The following EDAR variants were observed in gnomAD, a reference collection of about 807,000 sequenced individuals.
EDAR encodes the protein ectodysplasin A receptor, also known as tumor necrosis factor receptor superfamily member EDAR.
Under a neutral mutation model 51.3 loss-of-function variants are expected in EDAR, and 38 were observed. That is an observed-to-expected ratio of 0.74 (90% CI 0.57 to 0.97). The LOEUF (loss-of-function observed/expected upper bound fraction) is 0.97. Among genes scored for constraint, EDAR ranks in the 50% least tolerant of loss-of-function variants. The pLI is 0.00. For synonymous variants in EDAR, 227 were observed against 242.1 expected (o/e 0.94, Z 0.58); for missense variants, 528 against 595.0 (o/e 0.89, Z 1.17).
At position 108,896,882 on chromosome 2, in the gene EDAR, G is replaced by A. The variant is rs2105371237; in HGVS notation, c.*25C>T. Reference sequence around the variant, plus strand: ...CTCGTTGGCTCCTTGGCTTGTCCTGGGAGGACAGCCCACAGGCATGCTTTT... The same window carrying A: ...CTCGTTGGCTCCTTGGCTTGTCCTGAGAGGACAGCCCACAGGCATGCTTTT... On this transcript the variant is annotated 3_prime_UTR_variant, in exon 12 of 12. Coordinates refer to ENST00000258443, the MANE Select transcript of EDAR (RefSeq NM_022336.4). 1 of 1,601,310 alleles carries A rather than the reference G, an allele frequency of 6.2e-7. No homozygotes were observed. The highest frequency in any genetic ancestry group is 1.1e-5 in the South Asian group (1 of 89,008).
Position 108,924,345 on chromosome 2 carries a change from C to A in EDAR, c.357-892G>T, listed in dbSNP as rs1697211131. Among the ~76,000 whole-genome samples the A allele has an allele frequency of 2.0e-5, 3 of 152,246 alleles. No homozygotes were observed. The South Asian group carries it at 6.2e-4, about 31-fold the overall frequency. On this transcript the variant is annotated intron_variant, in intron 4 of 11. Transcript: ENST00000258443. ...GGCACCACCCTCTCCTTGGGGCTCCCAGCTCGGGCGCCTTCCCTCTGCAGG... is the reference window on the plus strand; with the variant it reads ...GGCACCACCCTCTCCTTGGGGCTCCAAGCTCGGGCGCCTTCCCTCTGCAGG...
rs555716012 is a variant in EDAR at position 108,982,787 on chromosome 2, G to A, written c.-19+6173C>T. Among the ~76,000 whole-genome samples, 3 of 152,216 alleles carry A rather than the reference G, an allele frequency of 2.0e-5. No individual in the cohort carries two copies. In the East Asian group the frequency reaches 5.8e-4, roughly 29 times the overall value. On this transcript the variant is annotated intron_variant, in intron 1 of 11. Transcript: ENST00000258443. The stretch of plus-strand genomic sequence containing the variant: ...GAGTCACCTAAGTCTCCTTGCTTTG[G>A]TTACGTCTGCCCGTAAAATGAGAAG...
intron 1 of EDAR, among the ~76,000 whole-genome samples, chr2:108,958,068 G>A (rs1487398438): frequency 1.7e-4 from 26 of 152,012 alleles, no homozygotes; most frequent in Admixed American, 1.7e-3. Context: ...AAATTACCAT[G>A]CCCGTGAGCC....
In EDAR at chr2:108,896,034, A is replaced by T. The variant is rs1377235904; in HGVS notation, c.*873T>A. 6.6e-6 allele frequency: 1 copy of T among 152,224 alleles called. No individual in the cohort carries two copies. The highest frequency in any genetic ancestry group is 6.5e-5 in the Admixed American group (1 of 15,290). 9.4% of individuals were successfully genotyped at this position (152,224 alleles called of 1,614,324 possible). ...TGTGTCCTTCAGCATTGCTGCCCCT[A>T]AAAGGTCAAATCTGCCTAAGACTGA... On this transcript the variant is annotated 3_prime_UTR_variant, in exon 12 of 12. Coordinates refer to ENST00000258443, the MANE Select transcript of EDAR (RefSeq NM_022336.4).
intron 1 of EDAR, among the ~76,000 whole-genome samples, chr2:108,984,504 G>T (rs1698465426): frequency 6.6e-6 from 1 of 152,032 alleles, no homozygotes; most frequent in South Asian, 2.1e-4. Flanking sequence ...CCTCTGCTCC[G>T]GCAGCATGGC....
intron 1 of EDAR, among the ~76,000 whole-genome samples, chr2:108,981,063 A>G (rs1314714973): frequency 1.3e-5 from 2 of 152,168 alleles, no homozygotes; most frequent in East Asian, 3.8e-4. Flanking sequence ...AGGACTTCCA[A>G]TGTGCTCACG....
At position 108,953,977 on chromosome 2, in the gene EDAR, G is replaced by T. The variant is rs369244381; in HGVS notation, c.-18-22945C>A. 2.0e-5 allele frequency among the ~76,000 whole-genome samples: 3 copies of T among 152,230 alleles called. No individual in the cohort carries two copies. The East Asian group carries it at 5.8e-4, about 29-fold the overall frequency. On this transcript the variant is annotated intron_variant, in intron 1 of 11. Coordinates refer to ENST00000258443, the MANE Select transcript of EDAR (RefSeq NM_022336.4). Reference sequence around the variant, plus strand: ...ATTACCAAGATCCTAAAACTTCTTTGGTTGCTCCTGAAAGGCATGATAAGT... The same window carrying T: ...ATTACCAAGATCCTAAAACTTCTTTTGTTGCTCCTGAAAGGCATGATAAGT...
At chr2:108,905,395 A>G (rs1696781687) in intron 11 of EDAR, among the ~76,000 whole-genome samples, 2 of 152,196 alleles carry the variant, frequency 1.3e-5, no homozygotes, top group South Asian at 4.1e-4. Flanking sequence ...GTTTATGGAG[A>G]GATGCCACAT....
In EDAR at chr2:108,910,505, TC is replaced by T; in HGVS notation, c.757del (p.Asp253MetfsTer6). The T allele has an allele frequency of 6.2e-7, 1 of 1,613,908 alleles. No individual in the cohort carries two copies. The highest frequency in any genetic ancestry group is 8.5e-7 in the Non-Finnish European group (1 of 1,179,906). ...PDNVVMFSEK[D>X]EFEKLTATPA... The stretch of plus-strand genomic sequence containing the variant: ...AGTTGCTGTCAGCTTCTCAAATTCA[TC>T]CTTCTCGGAGAACATCACCACGTTG... On this transcript the variant is annotated frameshift_variant, in exon 9 of 12. Transcript: ENST00000258443. LOFTEE classifies it high-confidence loss of function.
chr2:108,944,360 C>T (rs990047333), intron 1 of EDAR, among the ~76,000 whole-genome samples: 3 of 152,198 alleles, frequency 2.0e-5, no homozygotes, highest in Non-Finnish European at 2.9e-5. Flanking sequence ...GTAATCCACC[C>T]GCCTTGGCCT....
At chr2:108,932,528 CA>C (rs1171012818) in intron 1 of EDAR, among the ~76,000 whole-genome samples, 777 of 39,150 alleles carry the variant, frequency 0.02, 1 homozygote, top group African/African-American at 0.059. Context: ...GACTCTGTCT[CA>C]AAAAAAAAAA....
At chr2:108,940,670 C>T (rs1331516024) in intron 1 of EDAR, among the ~76,000 whole-genome samples, 1 of 152,246 alleles carries the variant, frequency 6.6e-6, no homozygotes, top group African/African-American at 2.4e-5. Context: ...AGCTTCTGAG[C>T]AAAGACCAAG....
At chr2:108,976,086 TC>T (rs1422762349) in intron 1 of EDAR, among the ~76,000 whole-genome samples, 2 of 152,318 alleles carry the variant, frequency 1.3e-5, no homozygotes, top group East Asian at 3.9e-4. Flanking sequence ...GAACTGAAGT[TC>T]ATACATCTTC....
intron 1 of EDAR, among the ~76,000 whole-genome samples, chr2:108,945,208 C>T (rs1697692666): frequency 6.6e-6 from 1 of 152,136 alleles, no homozygotes. Flanking sequence ...GGGCGAGCTC[C>T]CCGTCCTGGG....
At chr2:108,970,287 G>A (rs1320609271) in intron 1 of EDAR, among the ~76,000 whole-genome samples, 1 of 152,188 alleles carries the variant, frequency 6.6e-6, no homozygotes, top group Non-Finnish European at 1.5e-5. Flanking sequence ...TACGACACCA[G>A]GAGACATGAG....
At chr2:108,975,263 G>C (rs1401396842) in intron 1 of EDAR, among the ~76,000 whole-genome samples, 2 of 152,190 alleles carry the variant, frequency 1.3e-5, no homozygotes, top group Non-Finnish European at 2.9e-5. Context: ...CAGGCAGAAA[G>C]GTGCAGAGTA....
At chr2:108,910,885 T>TC in intron 7 of EDAR, 35 bp from the exon 8 acceptor site, 1 of 1,614,002 alleles carries the variant, frequency 6.2e-7, no homozygotes, top group East Asian at 2.2e-5. Context: ...AGCCAGGCTC[T>TC]CCGACAGGGG....
chr2:108,986,955 T>C (rs1235861805), intron 1 of EDAR, among the ~76,000 whole-genome samples: 4 of 152,106 alleles, frequency 2.6e-5, no homozygotes, highest in Non-Finnish European at 1.5e-5. Flanking sequence ...GTGGGTGGAA[T>C]ACCTAGGCAG....
At chr2:108,920,887 C>T (rs1410001831) in intron 5 of EDAR, among the ~76,000 whole-genome samples, 2 of 152,158 alleles carry the variant, frequency 1.3e-5, no homozygotes, top group Non-Finnish European at 2.9e-5. Context: ...CCACTGGGAG[C>T]TGCCCGGGGC....
Sources: allele counts gnomAD v4.1 joint callset (sites outside exome capture counted in the v4.1 genomes callset), GRCh38; gene constraint gnomAD v4.1.1; transcripts MANE v1.5; gene names NCBI Gene and HGNC (gene_info 2026-07-23, HGNC 2026-07-21).